Variants in ABI3BP observed in about 807,000 individuals in gnomAD.
ABI3BP encodes the protein target of Nesh-SH3.
ABI3BP carries 216 observed loss-of-function variants against 268.6 expected under a neutral mutation model. The observed-to-expected ratio is 0.80, with a 90% CI of 0.72 to 0.90. The LOEUF (loss-of-function observed/expected upper bound fraction) is 0.90. ABI3BP is among the 40% of genes least tolerant of loss of function. The pLI is 0.00. For missense variants in ABI3BP, 2,090 were observed against 2,182.4 expected (o/e 0.96, Z 0.84); for synonymous variants, 730 against 730.0 (o/e 1.00, Z 0.00).
chr3:100,855,248 T>C (rs909825622), intron 14 of ABI3BP, among the ~76,000 whole-genome samples: 9 of 152,212 alleles, frequency 5.9e-5, no homozygotes, highest in African/African-American at 1.9e-4. Context: ...TTGTTGATAG[T>C]ACATTTTAGT....
At chr3:100,979,034 T>G (rs890403628) in intron 1 of ABI3BP, among the ~76,000 whole-genome samples, 3 of 152,176 alleles carry the variant, frequency 2.0e-5, no homozygotes, top group Non-Finnish European at 4.4e-5. Context: ...GCTAGTATCA[T>G]CTGGGAACTT....
intron 41 of ABI3BP, among the ~76,000 whole-genome samples, chr3:100,817,888 C>A (rs1289039226): frequency 6.6e-6 from 1 of 152,058 alleles, no homozygotes; most frequent in Non-Finnish European, 1.5e-5. Context: ...ACTATGGATA[C>A]AATAAAGAGT....
intron 59 of ABI3BP, among the ~76,000 whole-genome samples, chr3:100,778,069 C>T (rs1204275962): frequency 6.6e-6 from 1 of 152,218 alleles, no homozygotes; most frequent in African/African-American, 2.4e-5. Context: ...AAGAAGCAAA[C>T]TTGCCTAGAT....
chr3:100,852,024 G>A lies in ABI3BP; in HGVS notation c.1286-84C>T, dbSNP rs770224522. On this transcript the variant is annotated intron_variant, in intron 14 of 67. Coordinates refer to ENST00000471714, the MANE Select transcript of ABI3BP (RefSeq NM_001375547.2). Reference sequence around the variant, plus strand: ...ATTTAGAAAGATTACATGACATGTTGTAATGCTGGTTGAAGGACAGTTTTA... The same window carrying A: ...ATTTAGAAAGATTACATGACATGTTATAATGCTGGTTGAAGGACAGTTTTA... 4.0e-6 allele frequency: 5 copies of A among 1,241,068 alleles called. No individual in the cohort carries two copies. The African/African-American group carries it at 7.6e-5, about 19-fold the overall frequency. The allele number at this position is 1,241,068 out of a possible 1,614,324, so 76.9% of individuals were successfully genotyped here.
chr3:100,980,174 T>C (rs995047874), intron 1 of ABI3BP, among the ~76,000 whole-genome samples: 1 of 152,226 alleles, frequency 6.6e-6, no homozygotes, highest in Non-Finnish European at 1.5e-5. Context: ...ATGTTGATCA[T>C]TCAAAAATTC....
intron 2 of ABI3BP, among the ~76,000 whole-genome samples, chr3:100,916,862 G>T (rs960259725): frequency 6.6e-6 from 1 of 152,162 alleles, no homozygotes; most frequent in Non-Finnish European, 1.5e-5. Context: ...AACATCTGGG[G>T]ACCATGCTAA....
intron 2 of ABI3BP, among the ~76,000 whole-genome samples, chr3:100,909,851 A>G (rs191733870): frequency 1.3e-5 from 2 of 152,194 alleles, no homozygotes; most frequent in African/African-American, 4.8e-5. Flanking sequence ...ACTGTGGAAG[A>G]CAGTGTGGCA....
rs533935757 is a variant in ABI3BP at position 100,878,289 on chromosome 3, A to G, written c.697-1729T>C. ...ACAATTTTATAAATACATGTATAGA[A>G]AAGAGGCCAGAGGGAAATAAATCAC... On this transcript the variant is annotated intron_variant, in intron 6 of 67. Transcript: ENST00000471714. 1.2e-3 allele frequency among the ~76,000 whole-genome samples: 180 copies of G among 152,352 alleles called. 4 individuals carry two copies. In the South Asian group the frequency reaches 0.036, roughly 31 times the overall value.
At chr3:100,858,072 A>G (rs2098958926) in intron 14 of ABI3BP, among the ~76,000 whole-genome samples, 1 of 152,258 alleles carries the variant, frequency 6.6e-6, no homozygotes, top group African/African-American at 2.4e-5. Flanking sequence ...GCATCATCAG[A>G]AAGACTGACT....
chr3:100,752,743 C>T, intron 66 of ABI3BP, 44 bp downstream of exon 66: 5 of 1,594,344 alleles, frequency 3.1e-6, no homozygotes, highest in Non-Finnish European at 4.3e-6. Context: ...GCAAAACATT[C>T]CCATAAGTTA....
chr3:100,861,438 A>C (rs768448082), intron 14 of ABI3BP, among the ~76,000 whole-genome samples: 23 of 152,312 alleles, frequency 1.5e-4, no homozygotes, highest in Non-Finnish European at 3.1e-4. Flanking sequence ...ACACTATATG[A>C]TATGTACCCC....
chr3:100,864,769 G>T, intron 11 of ABI3BP, 64 bp downstream of exon 11: 1 of 1,265,318 alleles, frequency 7.9e-7, no homozygotes, highest in Non-Finnish European at 1.1e-6. Context: ...TTTTCTGTGA[G>T]TCCTGGGAGT....
At chr3:100,835,234 A>G (rs1275089439) in intron 28 of ABI3BP, among the ~76,000 whole-genome samples, 1 of 152,248 alleles carries the variant, frequency 6.6e-6, no homozygotes, top group Admixed American at 6.5e-5. Flanking sequence ...TCTTAAAACA[A>G]CAGAAAGTAA....
intron 1 of ABI3BP, among the ~76,000 whole-genome samples, chr3:100,967,656 G>A (rs537070116): frequency 6.6e-6 from 1 of 152,188 alleles, no homozygotes; most frequent in South Asian, 2.1e-4. Flanking sequence ...ATTTGCTCAT[G>A]CCTCTTTGTA....
chr3:100,979,609 T>G (rs973592924), intron 1 of ABI3BP, among the ~76,000 whole-genome samples: 2 of 152,202 alleles, frequency 1.3e-5, no homozygotes, highest in African/African-American at 4.8e-5. Context: ...AAAGGAATGT[T>G]TGAAATGGAC....
intron 9 of ABI3BP, among the ~76,000 whole-genome samples, chr3:100,873,839 T>C (rs776258901): frequency 6.6e-6 from 1 of 152,134 alleles, no homozygotes; most frequent in African/African-American, 2.4e-5. Context: ...GGTTTTGACA[T>C]AGGGTAATGC....
chr3:100,802,290 G>C (rs1189598556), intron 51 of ABI3BP, among the ~76,000 whole-genome samples: 3 of 152,144 alleles, frequency 2.0e-5, no homozygotes, highest in African/African-American at 7.2e-5. Flanking sequence ...TTCCTGGTTT[G>C]CTCCTGATGA....
chr3:100,789,608 C>T, intron 55 of ABI3BP, 92 bp from the exon 56 acceptor site: 5 of 1,218,426 alleles, frequency 4.1e-6, no homozygotes, highest in Non-Finnish European at 5.8e-6. Flanking sequence ...AACTCATACA[C>T]TTTGCATGGA....
In ABI3BP at chr3:100,749,440, A is replaced by T. The variant is rs2095204090; in HGVS notation, c.*1055T>A. 6 of 390,914 alleles carry T rather than the reference A, an allele frequency of 1.5e-5. No individual in the cohort carries two copies. In the East Asian group the frequency reaches 2.2e-4, roughly 14 times the overall value. The allele number at this position is 390,914 out of a possible 1,614,324, so 24.2% of individuals were successfully genotyped here. A position where few individuals can be genotyped will look rare whatever the true frequency, so the allele number is the denominator to read the frequency against. On this transcript the variant is annotated 3_prime_UTR_variant, in exon 68 of 68. Coordinates refer to ENST00000471714, the MANE Select transcript of ABI3BP (RefSeq NM_001375547.2). ...CATGTTGAAAGGTAAGTACAGGGAA[A>T]GGTCCTTTCAGAATGACTGCAACAG...
Sources: gnomAD v4.1 joint callset for allele counts (sites outside exome capture counted in the v4.1 genomes callset) on GRCh38, gnomAD v4.1.1 for gene constraint, MANE v1.5 for transcripts, NCBI Gene and HGNC (gene_info 2026-07-23, HGNC 2026-07-21) for gene names.